The following CHD7 variants were observed in gnomAD, a reference collection of about 807,000 sequenced individuals.
CHD7 encodes the protein ATP-dependent chromatin remodeler CHD7.
A neutral mutation model predicts 307.3 loss-of-function variants in CHD7; 24 were observed. The observed-to-expected ratio is 0.08, with a 90% CI of 0.06 to 0.11. The LOEUF (loss-of-function observed/expected upper bound fraction) is 0.11. CHD7 is among the 10% of genes least tolerant of loss of function. The pLI is 1.00. For missense variants in CHD7, 3,106 were observed against 3,727.1 expected (o/e 0.83, Z 4.34); for synonymous variants, 1,363 against 1,349.9 (o/e 1.01, Z -0.21).
Position 60,825,825 on chromosome 8 carries a change from A to C in CHD7, c.3378+1809A>C, listed in dbSNP as rs190721724. Among the ~76,000 whole-genome samples the C allele has an allele frequency of 1.4e-4, 21 of 152,002 alleles. No homozygotes were observed. The East Asian group carries it at 3.9e-3, about 28-fold the overall frequency. On this transcript the variant is annotated intron_variant, in intron 13 of 37. Transcript: ENST00000423902. ...TAATTTAACTCCATCAAGATCAAAC[A>C]ATCTGATTGTCATTGGGCTATTTTT...
Position 60,856,840 on chromosome 8 carries a change from G to A in CHD7, c.7560G>A (p.Glu2520=). ...KRRRGRRKNV[E]GLDLLFMSHK... ...GGCGGGGAAGGAGGAAAAATGTGGA[G>A]GGACTTGATCTGCTTTTCATGAGCC... Residue 2520 remains glutamate, a synonymous_variant, in exon 34 of 38, where the codon GAG becomes GAA. Transcript: ENST00000423902. 2 of 1,590,740 alleles carry A rather than the reference G, an allele frequency of 1.3e-6. No individual in the cohort carries two copies. The highest frequency in any genetic ancestry group is 1.7e-6 in the Non-Finnish European group (2 of 1,168,502).
chr8:60,858,918 C>G (rs1327294847), intron 34 of CHD7, among the ~76,000 whole-genome samples: 1 of 152,210 alleles, frequency 6.6e-6, no homozygotes, highest in African/African-American at 2.4e-5. Context: ...GATCACGACA[C>G]AGCTTTGTCT....
rs1177500077 is a variant in CHD7, at chr8:60,749,856, C to T, written c.1665+6759C>T. Among the ~76,000 whole-genome samples, 3 of 152,238 alleles carry T rather than the reference C, an allele frequency of 2.0e-5. No individual in the cohort carries two copies. In the East Asian group the frequency reaches 5.8e-4, roughly 29 times the overall value. Reference sequence around the variant, plus strand: ...TTCCTGGGCCATAGGTTGCTCTCAACAGCCTGTGGTTTCTCACGAAGACTC... The same window carrying T: ...TTCCTGGGCCATAGGTTGCTCTCAATAGCCTGTGGTTTCTCACGAAGACTC... On this transcript the variant is annotated intron_variant, in intron 2 of 37. Coordinates refer to ENST00000423902, the MANE Select transcript of CHD7 (RefSeq NM_017780.4).
intron 1 of CHD7, among the ~76,000 whole-genome samples, chr8:60,721,316 G>T (rs548191145): frequency 5.3e-5 from 8 of 152,282 alleles, no homozygotes; most frequent in African/African-American, 1.7e-4. Flanking sequence ...GGCTCTCCCA[G>T]TTGACAAAAA....
At chr8:60,863,545 T>C (rs1806104363) in intron 37 of CHD7, 1 of 152,132 alleles carries the variant, frequency 6.6e-6, no homozygotes, top group South Asian at 2.1e-4. Context: ...GTGTACAGGT[T>C]TTGGTGTGAA....
intron 1 of CHD7, among the ~76,000 whole-genome samples, chr8:60,726,109 G>C (rs1473770227): frequency 6.6e-6 from 1 of 152,200 alleles, no homozygotes. Flanking sequence ...ATTTAAAACT[G>C]AAACTTCACT....
intron 1 of CHD7, among the ~76,000 whole-genome samples, chr8:60,737,701 A>C (rs993197919): frequency 1.3e-5 from 2 of 152,222 alleles, no homozygotes; most frequent in African/African-American, 2.4e-5. Flanking sequence ...TTGAATTACT[A>C]TGTCTCCATT....
At chr8:60,787,768 A>G (rs954685391) in intron 3 of CHD7, among the ~76,000 whole-genome samples, 2 of 151,388 alleles carry the variant, frequency 1.3e-5, no homozygotes, top group African/African-American at 2.4e-5. Context: ...CTTCTTTTCC[A>G]TGTTACTTCT....
At chr8:60,850,720 C>A in intron 26 of CHD7, 98 bp downstream of exon 26, 1 of 1,280,146 alleles carries the variant, frequency 7.8e-7, no homozygotes, top group Non-Finnish European at 1.1e-6. Flanking sequence ...TGTATTGTGT[C>A]TGATTTGAAG....
intron 12 of CHD7, 99 bp downstream of exon 12, chr8:60,822,845 G>A: frequency 8.9e-7 from 1 of 1,129,844 alleles, no homozygotes; most frequent in Non-Finnish European, 1.2e-6. Context: ...TCTAAATTTT[G>A]CCAAATTGAG....
chr8:60,685,662 G>A (rs1055050468), intron 1 of CHD7, among the ~76,000 whole-genome samples: 5 of 152,174 alleles, frequency 3.3e-5, no homozygotes, highest in African/African-American at 1.2e-4. Flanking sequence ...ATGTTTATCA[G>A]AATACTTACC....
intron 1 of CHD7, among the ~76,000 whole-genome samples, chr8:60,739,238 G>A (rs1464777658): frequency 2.0e-5 from 3 of 152,200 alleles, no homozygotes; most frequent in Non-Finnish European, 4.4e-5. Context: ...GGACACATAT[G>A]TAGACGTTAC....
chr8:60,835,687 T>C (rs1051768294), intron 15 of CHD7, among the ~76,000 whole-genome samples: 1 of 152,264 alleles, frequency 6.6e-6, no homozygotes, highest in African/African-American at 2.4e-5. Context: ...TGTGTTTATG[T>C]TCAGCTAGTA....
In CHD7 at chr8:60,741,520, C is replaced by A; in HGVS notation, c.88C>A (p.Pro30Thr). 1.9e-6 allele frequency: 3 copies of A among 1,613,120 alleles called. No homozygotes were observed. Among genetic ancestry groups the A allele is most frequent in the Non-Finnish European group, 2.5e-6 (3 of 1,179,506 alleles). ...TGAAGGCCTCGGAGAATGTGGTTAC[C>A]CGGAAAATCCAGTAAATCCTATGGG... ...GLEGLGECGY[P>T]ENPVNPMGQQ... Residue 30 changes from proline (P) to threonine (T), a missense_variant, in exon 2 of 38, where the codon CCG becomes ACG. Physicochemically the swap from Pro to Thr is conservative, Grantham distance 38. Transcript: ENST00000423902.
intron 6 of CHD7, among the ~76,000 whole-genome samples, chr8:60,802,650 A>G (rs1229739262): frequency 6.6e-6 from 1 of 152,154 alleles, no homozygotes; most frequent in Non-Finnish European, 1.5e-5. Flanking sequence ...TCCTGCCTAA[A>G]GTTGTTTATT....
intron 1 of CHD7, among the ~76,000 whole-genome samples, chr8:60,733,568 A>G (rs1317689233): frequency 1.3e-5 from 2 of 152,178 alleles, no homozygotes; most frequent in African/African-American, 4.8e-5. Flanking sequence ...TGAATTTTGA[A>G]TTGCAGGGTG....
Position 60,742,482 on chromosome 8 carries a change from T to C in CHD7, c.1050T>C (p.Ala350=), listed in dbSNP as rs777423713. ...AGTCCGTACCAAGATACCCCAATGC[T>C]GTAGGATTCCCATCAAACAGTGGTC... ...MNQSVPRYPN[A]VGFPSNSGQG... is the part of the protein sequence containing the mutation. The change falls in exon 2 of 38, where the codon GCT becomes GCC. Residue 350 remains alanine, a synonymous_variant. Transcript: ENST00000423902. The C allele has an allele frequency of 3.8e-5, 62 of 1,613,984 alleles. 1 individual carries two copies. In the East Asian group the frequency reaches 1.4e-3, roughly 35 times the overall value.
At chr8:60,720,926 G>T (rs542140601) in intron 1 of CHD7, among the ~76,000 whole-genome samples, 2 of 152,316 alleles carry the variant, frequency 1.3e-5, no homozygotes, top group East Asian at 3.9e-4. Context: ...CTTTTCTATG[G>T]GAGTCCCTTA....
chr8:60,850,345 C>G, intron 25 of CHD7, 148 bp from the exon 26 acceptor site: 1 of 912,228 alleles, frequency 1.1e-6, no homozygotes, highest in Non-Finnish European at 1.6e-6. Context: ...ATAGAATGAT[C>G]TACTAAAACA....
Sources: allele counts gnomAD v4.1 joint callset (sites outside exome capture counted in the v4.1 genomes callset), GRCh38; gene constraint gnomAD v4.1.1; transcripts MANE v1.5; gene names NCBI Gene and HGNC (gene_info 2026-07-23, HGNC 2026-07-21).